CEP95: variants seen among roughly 807,000 people sequenced by gnomAD.
The protein encoded by CEP95 is centrosomal protein of 95 kDa.
In CEP95, 98 loss-of-function variants were observed where a neutral mutation model predicts 111.2. That is an observed-to-expected ratio of 0.88 (90% confidence interval 0.75 to 1.04). The LOEUF is 1.04. CEP95 is among the 50% of genes least tolerant of loss of function. The probability of loss-of-function intolerance (pLI) is 0.00; values close to 1 mark genes in which losing one functional copy is unlikely to be tolerated. For synonymous variants in CEP95, 323 were observed against 327.1 expected (o/e 0.99, Z 0.14); for missense variants, 1,027 against 977.2 (o/e 1.05, Z -0.68).
intron 6 of CEP95, chr17:64,520,409 A>G (rs2144421280): frequency 6.6e-6 from 1 of 151,828 alleles, no homozygotes; most frequent in South Asian, 2.1e-4. Context: ...GATAACTGTC[A>G]TATACATTCA....
intron 5 of CEP95, among the ~76,000 whole-genome samples, chr17:64,517,081 C>A (rs1966918132): frequency 6.6e-6 from 1 of 151,948 alleles, no homozygotes; most frequent in Admixed American, 6.6e-5. Context: ...GAGTCTCATT[C>A]TGTTGCCCAG....
rs991680764 is a variant in CEP95, at chr17:64,534,936, G to A, written c.2070+199G>A. 4 of 573,746 alleles carry A rather than the reference G, an allele frequency of 7.0e-6. No homozygotes were observed. In the East Asian group the frequency reaches 9.6e-5, roughly 14 times the overall value. 35.5% of individuals were successfully genotyped at this position (573,746 alleles called of 1,614,324 possible). A position where few individuals can be genotyped will look rare whatever the true frequency, so the allele number is the denominator to read the frequency against. On this transcript the variant is annotated intron_variant, in intron 17 of 19. Coordinates refer to ENST00000556440, the MANE Select transcript of CEP95 (RefSeq NM_138363.3). ...GCATTCCCGTCCATTCTCAGTCTCC[G>A]TGTCCCTCATCTTAATGTGAAGTCT...
rs1293799565 is a variant in CEP95 at position 64,536,937 on chromosome 17, C to T, written c.2218-104C>T. On this transcript the variant is annotated intron_variant, in intron 18 of 19. Transcript: ENST00000556440. ...ACCTGACCATAGTACAGTATATTTCCCTATTTCCATTAAAATGATTTTAAG... is the reference window on the plus strand; with the variant it reads ...ACCTGACCATAGTACAGTATATTTCTCTATTTCCATTAAAATGATTTTAAG... The T allele has an allele frequency of 4.8e-6, 6 of 1,261,960 alleles. No homozygotes were observed. The Admixed American group carries it at 9.7e-5, about 20-fold the overall frequency. 78.2% of individuals were successfully genotyped at this position (1,261,960 alleles called of 1,614,324 possible). A position where few individuals can be genotyped will look rare whatever the true frequency, so the allele number is the denominator to read the frequency against.
rs1555681235 is a variant in CEP95, at chr17:64,534,790, T to C, written c.2070+53T>C. ...GTTAAGAAGGTGAACTTTGTTATCT[T>C]TCAGGACCACCTTCTTTGTTCGTGA... On this transcript the variant is annotated intron_variant, in intron 17 of 19. Coordinates refer to ENST00000556440, the MANE Select transcript of CEP95 (RefSeq NM_138363.3). 1.9e-6 allele frequency: 3 copies of C among 1,575,332 alleles called. No individual in the cohort carries two copies. In the African/African-American group the frequency reaches 4.0e-5, roughly 21 times the overall value.
At chr17:64,527,871 TA>T (rs1555679463) in intron 11 of CEP95, among the ~76,000 whole-genome samples, 1 of 94,260 alleles carries the variant, frequency 1.1e-5, no homozygotes, top group Non-Finnish European at 2.2e-5. Context: ...TGTGTGTGTG[TA>T]TATATATATA....
chr17:64,532,575 C>T, intron 14 of CEP95: 1 of 1,244,174 alleles, frequency 8.0e-7, no homozygotes, highest in Non-Finnish European at 1.0e-6. Flanking sequence ...AATCTACCCA[C>T]AGGCACTGAA....
chr17:64,535,456 C>T (rs1054125370), intron 17 of CEP95: 4 of 152,618 alleles, frequency 2.6e-5, no homozygotes, highest in Admixed American at 6.5e-5. Context: ...GTAGGTGTGG[C>T]ATGTTTCTGC....
chr17:64,508,614 C>A lies in CEP95; in HGVS notation c.42C>A (p.Asn14Lys). 4.2e-6 allele frequency: 6 copies of A among 1,425,560 alleles called. No individual in the cohort carries two copies. The highest frequency in any genetic ancestry group is 2.7e-5 in the East Asian group (1 of 36,584). The allele number at this position is 1,425,560 out of a possible 1,614,324, so 88.3% of individuals were successfully genotyped here. Residue 14 changes from asparagine to lysine, a missense_variant, in exon 2 of 20, where the codon AAC becomes AAA. By Grantham distance (94) the Asn-to-Lys change is moderately conservative. Transcript: ENST00000556440. The part of the protein sequence containing the change: ...SDAEWVTIAN[N>K]LLFKCHIHLR... ...CAGAGTGGGTAACCATTGCCAATAA[C>A]CTTCTTTTTAAGTGTCATATACATC...
At chr17:64,508,964 A>G (rs1380273507) in intron 2 of CEP95, among the ~76,000 whole-genome samples, 4 of 152,048 alleles carry the variant, frequency 2.6e-5, no homozygotes, top group Admixed American at 1.3e-4. Context: ...ACCCTGTGGA[A>G]CCCACTCATA....
At chr17:64,507,859 G>T in intron 1 of CEP95, 1 of 985,402 alleles carries the variant, frequency 1.0e-6, no homozygotes, top group Non-Finnish European at 1.2e-6. Flanking sequence ...GGCATTTCAA[G>T]GAACAAGTAT....
intron 12 of CEP95, among the ~76,000 whole-genome samples, 152 bp from the exon 13 acceptor site, chr17:64,530,774 C>T (rs1393088465): frequency 4.6e-5 from 7 of 152,164 alleles, no homozygotes; most frequent in African/African-American, 9.7e-5. Context: ...TCACCGCACG[C>T]GGCTAAGAGC....
At chr17:64,526,228 A>G (rs782027298) in intron 10 of CEP95, 28 bp downstream of exon 10, 1 of 1,593,994 alleles carries the variant, frequency 6.3e-7, no homozygotes, top group South Asian at 1.2e-5. Context: ...ATCTATATTG[A>G]GATTCCCATG....
In CEP95 at chr17:64,537,130, A is replaced by C. The variant is rs782292220; in HGVS notation, c.2289+18A>C. 2 of 1,608,184 alleles carry C rather than the reference A, an allele frequency of 1.2e-6. No homozygotes were observed. Among genetic ancestry groups the C allele is most frequent in the Admixed American group, 1.7e-5 (1 of 59,430 alleles). On this transcript the variant is annotated intron_variant, in intron 19 of 19. Coordinates refer to ENST00000556440, the MANE Select transcript of CEP95 (RefSeq NM_138363.3). ...AGGCCCAGGTAATAATTAAGATAGA[A>C]GCCAAGTCATGCACTGCATGGCAAT...
intron 17 of CEP95, chr17:64,535,771 A>G (rs1968610843): frequency 6.6e-6 from 1 of 152,254 alleles, no homozygotes; most frequent in Non-Finnish European, 1.5e-5. Context: ...ACAAATGTTC[A>G]TAGCATTACT....
chr17:64,536,862 C>G, intron 18 of CEP95, 114 bp downstream of exon 18: 1 of 1,311,788 alleles, frequency 7.6e-7, no homozygotes, highest in Admixed American at 2.4e-5. Flanking sequence ...AGTTTGCACT[C>G]TACAGATTAG....
In CEP95 at chr17:64,507,424, C is replaced by T. The variant is rs1406959249; in HGVS notation, c.19+308C>T. The T allele has an allele frequency of 2.2e-6, 3 of 1,357,740 alleles. No individual in the cohort carries two copies. In the East Asian group the frequency reaches 8.8e-5, roughly 40 times the overall value. 84.1% of individuals were successfully genotyped at this position (1,357,740 alleles called of 1,614,324 possible). A position where few individuals can be genotyped will look rare whatever the true frequency, so the allele number is the denominator to read the frequency against. On this transcript the variant is annotated intron_variant, in intron 1 of 19. Coordinates refer to ENST00000556440, the MANE Select transcript of CEP95 (RefSeq NM_138363.3). ...CCGGACTTGTCTTTCTGTGGGGCGT[C>T]TAGCCGCTGTCCGTGTGCCCTCCGC... is the stretch of plus-strand genomic sequence containing the variant.
At chr17:64,509,608 C>T (rs782158923) in intron 2 of CEP95, among the ~76,000 whole-genome samples, 2 of 152,160 alleles carry the variant, frequency 1.3e-5, no homozygotes, top group East Asian at 1.9e-4. Context: ...TTGCTTGAGC[C>T]GGGAAAGTGG....
Position 64,532,981 on chromosome 17 carries a change from TC to T in CEP95, c.1816del (p.Arg606AspfsTer10). Reference sequence around the variant, plus strand: ...TTAAGAAAGAAGCATGTAGAGAAAATCGATCAAAGAAGAAACTCCAAGATGA... The same window carrying T: ...TTAAGAAAGAAGCATGTAGAGAAAATGATCAAAGAAGAAACTCCAAGATGA... Reference protein sequence around the residue: ...QLKKEACRENRSKKKLQDEIE... With the variant: ...QLKKEACRENXSKKKLQDEIE... On this transcript the variant is annotated frameshift_variant, in exon 15 of 20. Coordinates refer to ENST00000556440, the MANE Select transcript of CEP95 (RefSeq NM_138363.3). LOFTEE classifies it high-confidence loss of function. The T allele has an allele frequency of 6.2e-7, 1 of 1,611,910 alleles. No individual in the cohort carries two copies. The highest frequency in any genetic ancestry group is 8.5e-7 in the Non-Finnish European group (1 of 1,179,410).
chr17:64,508,427 C>A (rs2038698921), intron 1 of CEP95, 165 bp from the exon 2 acceptor site: 1 of 984,526 alleles, frequency 1.0e-6, no homozygotes, highest in Non-Finnish European at 1.2e-6. Context: ...TTTTTAAAAA[C>A]CATGCCTAAA....
Sources: gnomAD v4.1 joint callset for allele counts (sites outside exome capture counted in the v4.1 genomes callset) on GRCh38, gnomAD v4.1.1 for gene constraint, MANE v1.5 for transcripts, NCBI Gene and HGNC (gene_info 2026-07-23, HGNC 2026-07-21) for gene names.